Variants in TDRD7 observed in about 807,000 individuals in gnomAD.
TDRD7 encodes the protein tudor domain-containing protein 7.
A neutral mutation model predicts 109.8 loss-of-function variants in TDRD7; 47 were observed. The ratio of observed to expected loss-of-function variants is 0.43; its 90% CI spans 0.34 to 0.55. The LOEUF (loss-of-function observed/expected upper bound fraction) is 0.55. TDRD7 is among the 20% of genes least tolerant of loss of function. The pLI is 0.03. For synonymous variants in TDRD7, 424 were observed against 457.3 expected (o/e 0.93, Z 0.93); for missense variants, 1,164 against 1,319.2 (o/e 0.88, Z 1.82).
chr9:97,485,052 T>A (rs1246764599), intron 15 of TDRD7, among the ~76,000 whole-genome samples: 2 of 152,250 alleles, frequency 1.3e-5, no homozygotes, highest in Admixed American at 6.5e-5. Context: ...CTGATTTTTT[T>A]AAAACTTCAT....
chr9:97,422,347 G>GA (rs1827913921), intron 1 of TDRD7, among the ~76,000 whole-genome samples: 1 of 152,128 alleles, frequency 6.6e-6, no homozygotes, highest in South Asian at 2.1e-4. Context: ...AGTGAGCCAA[G>GA]ATTGTGCCAC....
At chr9:97,422,895 A>G (rs1401791679) in intron 1 of TDRD7, among the ~76,000 whole-genome samples, 1 of 152,186 alleles carries the variant, frequency 6.6e-6, no homozygotes, top group Non-Finnish European at 1.5e-5. Context: ...ACTGGTTATT[A>G]TGTCTTATCC....
chr9:97,453,852 AT>A (rs1828553054), intron 6 of TDRD7, among the ~76,000 whole-genome samples: 2 of 152,234 alleles, frequency 1.3e-5, no homozygotes, highest in Admixed American at 6.5e-5. Flanking sequence ...AGAGCTGACT[AT>A]TCTAAATATA....
intron 8 of TDRD7, among the ~76,000 whole-genome samples, chr9:97,467,743 G>A (rs140300127): frequency 1.6e-4 from 25 of 152,328 alleles, no homozygotes; most frequent in African/African-American, 5.8e-4. Flanking sequence ...AATCATTCTG[G>A]GACTGTTGTG....
In TDRD7 at chr9:97,490,559, G is replaced by A. The variant is rs556556147; in HGVS notation, c.3076+3227G>A. ...CTAGATATATTTTGGTGGGGGGGGG[G>A]GCATTTATCTTGCTTGGTGTTCTCT... On this transcript the variant is annotated intron_variant, in intron 16 of 16. Coordinates refer to ENST00000355295, the MANE Select transcript of TDRD7 (RefSeq NM_014290.3). 1.7e-4 allele frequency among the ~76,000 whole-genome samples: 24 copies of A among 137,952 alleles called. 2 individuals are homozygous for A. In the South Asian group the frequency reaches 5.8e-3, roughly 33 times the overall value. 90.5% of individuals were successfully genotyped at this position (137,952 alleles called of 152,430 possible). A position where few individuals can be genotyped will look rare whatever the true frequency, so the allele number is the denominator to read the frequency against.
intron 12 of TDRD7, among the ~76,000 whole-genome samples, chr9:97,478,113 T>C (rs1035365456): frequency 6.6e-6 from 1 of 151,920 alleles, no homozygotes; most frequent in African/African-American, 2.4e-5. Flanking sequence ...ACAAAAAAAT[T>C]AGCTGGTTGT....
At chr9:97,469,654 C>T (rs1421522502) in intron 8 of TDRD7, among the ~76,000 whole-genome samples, 1 of 152,130 alleles carries the variant, frequency 6.6e-6, no homozygotes, top group East Asian at 1.9e-4. Flanking sequence ...ACCATCATCT[C>T]CTTTAATTAG....
chr9:97,487,208 T>C lies in TDRD7; in HGVS notation c.2952T>C (p.Asn984=). The change falls in exon 16 of 17, where the codon AAT becomes AAC. Residue 984 remains asparagine (N), a synonymous_variant. Transcript: ENST00000355295. The part of the protein sequence containing the change: ...HRVLLKGILT[N]GLVSVYELDY... ...TGCTTTTAAAAGGAATCCTGACCAA[T>C]GGACTGGTATCTGTGTATGAGCTGG... 14 of 1,613,988 alleles carry C rather than the reference T, an allele frequency of 8.7e-6. No individual in the cohort carries two copies. The highest frequency in any genetic ancestry group is 1.2e-5 in the Non-Finnish European group (14 of 1,179,912).
At chr9:97,478,869 G>A (rs898912106) in intron 13 of TDRD7, among the ~76,000 whole-genome samples, 4 of 152,040 alleles carry the variant, frequency 2.6e-5, no homozygotes, top group Non-Finnish European at 4.4e-5. Context: ...ACTGACTTAT[G>A]TACAGTTCCA....
intron 6 of TDRD7, among the ~76,000 whole-genome samples, chr9:97,442,855 G>A (rs931464293): frequency 2.0e-5 from 3 of 152,006 alleles, no homozygotes; most frequent in Non-Finnish European, 4.4e-5. Flanking sequence ...GAGTACAGTG[G>A]AACGATCTTG....
At chr9:97,490,053 T>C (rs1439155559) in intron 16 of TDRD7, among the ~76,000 whole-genome samples, 1 of 151,828 alleles carries the variant, frequency 6.6e-6, no homozygotes, top group African/African-American at 2.4e-5. Context: ...CACACACGCA[T>C]ACAGAATCAA....
intron 6 of TDRD7, among the ~76,000 whole-genome samples, chr9:97,443,643 C>T (rs1308274822): frequency 6.6e-6 from 1 of 152,194 alleles, no homozygotes; most frequent in East Asian, 1.9e-4. Flanking sequence ...TTTGAAGGTT[C>T]AGGGCCTGTG....
At chr9:97,494,885 A>AT (rs1829370995) in intron 16 of TDRD7, among the ~76,000 whole-genome samples, 2 of 151,422 alleles carry the variant, frequency 1.3e-5, no homozygotes, top group South Asian at 2.1e-4. Context: ...TAATTTTTGT[A>AT]TTTTTTGTAG....
In TDRD7 at chr9:97,487,048, G is replaced by A. The variant is rs117317958; in HGVS notation, c.2916-124G>A. 8,916 of 1,131,348 alleles carry A rather than the reference G, an allele frequency of 7.9e-3. 267 individuals carry two copies. The East Asian group carries it at 0.083, about 11-fold the overall frequency. 70.1% of individuals were successfully genotyped at this position (1,131,348 alleles called of 1,614,324 possible). On this transcript the variant is annotated intron_variant, in intron 15 of 16. Coordinates refer to ENST00000355295, the MANE Select transcript of TDRD7 (RefSeq NM_014290.3). The stretch of plus-strand genomic sequence containing the variant: ...CTTTTAAAACTTTTTTGAAAATATA[G>A]TTTTAAATTTTGATAAACATAATTT...
chr9:97,441,874 C>T lies in TDRD7; in HGVS notation c.854C>T (p.Thr285Met), dbSNP rs141457141. ...TTTGAACACTGGCCTCATATTTGCA[C>T]GGTATGTTTTTCCTTATTCCTCCCT... The part of the protein sequence containing the change: ...QQFEHWPHIC[T>M]VEKPCSGGQD... Residue 285 changes from threonine (T) to methionine (M), a missense_variant and splice_region_variant, in exon 6 of 17, where the codon ACG (threonine) becomes ATG (methionine). Transcript: ENST00000355295. 297 of 1,612,768 alleles carry T rather than the reference C, an allele frequency of 1.8e-4. No homozygotes were observed. Among genetic ancestry groups the T allele is most frequent in the Non-Finnish European group, 2.0e-4 (239 of 1,179,056 alleles).
rs373915086 is a variant in TDRD7, at chr9:97,462,646, T to G, written c.1442+1882T>G. ...AAATTAACTTTGTAAAACTTTGTATTTAGGGCATCTCTAAATTGGCCTATC... is the reference window on the plus strand; with the variant it reads ...AAATTAACTTTGTAAAACTTTGTATGTAGGGCATCTCTAAATTGGCCTATC... On this transcript the variant is annotated intron_variant, in intron 7 of 16. Coordinates refer to ENST00000355295, the MANE Select transcript of TDRD7 (RefSeq NM_014290.3). 2.2e-4 allele frequency among the ~76,000 whole-genome samples: 34 copies of G among 152,324 alleles called. No individual in the cohort carries two copies. The East Asian group carries it at 3.1e-3, about 14-fold the overall frequency.
rs758383858 is a variant in TDRD7, at chr9:97,478,408, A to G, written c.2167-31A>G. The G allele has an allele frequency of 3.7e-6, 6 of 1,613,684 alleles. No homozygotes were observed. In the South Asian group the frequency reaches 6.6e-5, roughly 18 times the overall value. On this transcript the variant is annotated intron_variant, in intron 12 of 16. Coordinates refer to ENST00000355295, the MANE Select transcript of TDRD7 (RefSeq NM_014290.3). ...AGCATTTTGGTCTTTTGAATATGCT[A>G]ATAAATGAGCCAACACTTATCTCAT...
At position 97,449,832 on chromosome 9, in the gene TDRD7, A is replaced by T. The variant is rs1375154255; in HGVS notation, c.855+7957A>T. Among the ~76,000 whole-genome samples the T allele has an allele frequency of 3.3e-5, 5 of 152,182 alleles. No individual in the cohort carries two copies. In the East Asian group the frequency reaches 9.6e-4, roughly 29 times the overall value. Reference sequence around the variant, plus strand: ...GTCAGTATTAGCATAGAAAAAGATAAGCTCTTTGGAGATTCCAGGGATTTT... The same window carrying T: ...GTCAGTATTAGCATAGAAAAAGATATGCTCTTTGGAGATTCCAGGGATTTT... On this transcript the variant is annotated intron_variant, in intron 6 of 16. Coordinates refer to ENST00000355295, the MANE Select transcript of TDRD7 (RefSeq NM_014290.3).
chr9:97,426,310 G>T (rs1260307913), intron 1 of TDRD7, among the ~76,000 whole-genome samples: 1 of 151,968 alleles, frequency 6.6e-6, no homozygotes, highest in Admixed American at 6.5e-5. Flanking sequence ...ACCCAGGCTG[G>T]AGTGCAGTGG....
Sources: allele counts gnomAD v4.1 joint callset (sites outside exome capture counted in the v4.1 genomes callset), GRCh38; gene constraint gnomAD v4.1.1; transcripts MANE v1.5; gene names NCBI Gene and HGNC (gene_info 2026-07-23, HGNC 2026-07-21).